Variants in CDC25C observed in about 807,000 individuals in gnomAD.
The protein encoded by CDC25C is M-phase inducer phosphatase 3.
CDC25C carries 48 observed loss-of-function variants against 52.5 expected under a neutral mutation model. The ratio of observed to expected loss-of-function variants is 0.91; its 90% CI spans 0.72 to 1.16. The LOEUF (loss-of-function observed/expected upper bound fraction) is 1.16. CDC25C is among the 50% of genes most tolerant of loss of function. The pLI is 0.00. For synonymous variants in CDC25C, 187 were observed against 206.5 expected (o/e 0.91, Z 0.81); for missense variants, 510 against 566.1 (o/e 0.90, Z 1.01).
chr5:138,311,440 A>AACGAT (rs1758445856), intron 7 of CDC25C, among the ~76,000 whole-genome samples: 1 of 152,144 alleles, frequency 6.6e-6, no homozygotes, highest in African/African-American at 2.4e-5. Context: ...CTCTACAAAA[A>AACGAT]ATAAATTAGC....
At chr5:138,324,189 T>C (rs1365985989) in intron 6 of CDC25C, among the ~76,000 whole-genome samples, 2 of 151,906 alleles carry the variant, frequency 1.3e-5, no homozygotes, top group Non-Finnish European at 2.9e-5. Context: ...GAGAATTGCT[T>C]GAACCAGGGA....
At position 138,329,602 on chromosome 5, in the gene CDC25C, C is replaced by A. The variant is rs1354035621; in HGVS notation, c.240G>T (p.Gly80=). Residue 80 remains glycine (G), a synonymous_variant, in exon 3 of 14, where the codon GGG becomes GGT. Transcript: ENST00000323760. ...RCLDLSNLSS[G]EITATQLTTS... is the part of the protein sequence containing the mutation. The stretch of plus-strand genomic sequence containing the variant: ...TGGTAAGCTGAGTGGCAGTTATCTC[C>A]CCACTGCTAAGATTCGAAAGATCGA... 14 of 1,613,708 alleles carry A rather than the reference C, an allele frequency of 8.7e-6. No homozygotes were observed. In the Admixed American group the frequency reaches 2.3e-4, roughly 27 times the overall value.
chr5:138,328,753 C>G (rs899005640), intron 3 of CDC25C: 17 of 449,156 alleles, frequency 3.8e-5, no homozygotes, highest in African/African-American at 3.2e-4. Flanking sequence ...TTGGGAAACA[C>G]TACACTATGC....
At chr5:138,301,665 T>C (rs1757633522) in intron 7 of CDC25C, among the ~76,000 whole-genome samples, 1 of 147,830 alleles carries the variant, frequency 6.8e-6, no homozygotes, top group Non-Finnish European at 1.5e-5. Flanking sequence ...TGAAGATCAA[T>C]ATCTCTCATG....
intron 7 of CDC25C, among the ~76,000 whole-genome samples, chr5:138,299,798 TAAGAG>T (rs1383966802): frequency 6.6e-6 from 1 of 151,060 alleles, no homozygotes; most frequent in Non-Finnish European, 1.5e-5. Context: ...GAGCAGAACT[TAAGAG>T]AATAGAAAAA....
At chr5:138,331,852 A>T, upstream of CDC25C, 1 of 985,654 alleles carries the variant, frequency 1.0e-6, no homozygotes, top group South Asian at 4.7e-5. Context: ...CCAGCCCAGT[A>T]ACCTATCCCC....
chr5:138,321,240 G>C (rs1759359661), intron 6 of CDC25C, among the ~76,000 whole-genome samples: 1 of 152,110 alleles, frequency 6.6e-6, no homozygotes, highest in South Asian at 2.1e-4. Flanking sequence ...TACAGCTTCT[G>C]TTTTGAATAA....
At chr5:138,327,711 C>G (rs751748043) in intron 4 of CDC25C, among the ~76,000 whole-genome samples, 1 of 152,038 alleles carries the variant, frequency 6.6e-6, no homozygotes, top group African/African-American at 2.4e-5. Flanking sequence ...CTTACAATAG[C>G]TACTTTATGA....
Position 138,326,014 on chromosome 5 carries a change from T to A in CDC25C, c.369+7A>T, listed in dbSNP as rs1759825414. On this transcript the variant is annotated splice_region_variant and intron_variant, in intron 5 of 13. Coordinates refer to ENST00000323760, the MANE Select transcript of CDC25C (RefSeq NM_001790.5). The stretch of plus-strand genomic sequence containing the variant: ...AAACAAAACCCAAAAAAAGAGAGGC[T>A]ACTCACTGGGCTACATTTCATTAGG... The A allele has an allele frequency of 6.2e-7, 1 of 1,614,188 alleles. No homozygotes were observed. Among genetic ancestry groups the A allele is most frequent in the Non-Finnish European group, 8.5e-7 (1 of 1,180,008 alleles).
chr5:138,316,291 A>G lies in CDC25C; in HGVS notation c.615+2928T>C, dbSNP rs903810167. On this transcript the variant is annotated intron_variant, in intron 7 of 13. Coordinates refer to ENST00000323760, the MANE Select transcript of CDC25C (RefSeq NM_001790.5). The stretch of plus-strand genomic sequence containing the variant: ...TTGGGGCAAGTCCAGGTGCTGTTAC[A>G]GTCCGGGGGCGGATCTGTGTGTGCA... 2.0e-5 allele frequency among the ~76,000 whole-genome samples: 3 copies of G among 152,210 alleles called. 1 individual carries two copies. Among genetic ancestry groups the G allele is most frequent in the African/African-American group, 7.2e-5 (3 of 41,448 alleles).
chr5:138,338,081 G>C, exon 1 of CDC25C: 2 of 1,289,788 alleles, frequency 1.6e-6, no homozygotes, highest in Non-Finnish European at 2.0e-6. Context: ...CTAAATCAAA[G>C]CGCCAGGCTC....
chr5:138,308,238 A>G (rs1489236635), intron 7 of CDC25C, among the ~76,000 whole-genome samples: 1 of 152,158 alleles, frequency 6.6e-6, no homozygotes, highest in East Asian at 1.9e-4. Flanking sequence ...TACTGTCTAT[A>G]TTATGCAATT....
chr5:138,290,016 A>G (rs1212082292), intron 9 of CDC25C, among the ~76,000 whole-genome samples: 4 of 152,138 alleles, frequency 2.6e-5, no homozygotes, highest in Non-Finnish European at 5.9e-5. Flanking sequence ...GAAGTGAGCT[A>G]TGATCATGCC....
chr5:138,328,580 T>C, intron 3 of CDC25C, 51 bp from the exon 4 acceptor site: 1 of 1,445,684 alleles, frequency 6.9e-7, no homozygotes. Context: ...TGTCCATGCA[T>C]CCTGTTTTTC....
intron 6 of CDC25C, among the ~76,000 whole-genome samples, chr5:138,321,602 A>G (rs1401370128): frequency 2.0e-5 from 3 of 151,868 alleles, no homozygotes; most frequent in Non-Finnish European, 1.5e-5. Context: ...AATACAAAAA[A>G]TTAGCTGGGT....
exon 1 of CDC25C, chr5:138,338,052 G>A: frequency 7.8e-7 from 1 of 1,289,718 alleles, no homozygotes; most frequent in Non-Finnish European, 1.0e-6. Context: ...ACTCGTTAGT[G>A]AGGAAACCAC....
upstream of CDC25C, chr5:138,338,336 G>A (rs1455071454): frequency 2.2e-6 from 1 of 453,882 alleles, no homozygotes; most frequent in Non-Finnish European, 4.2e-6. Context: ...GTGGCGCTGG[G>A]GCCTCGGGGC....
intron 7 of CDC25C, among the ~76,000 whole-genome samples, chr5:138,318,712 C>T (rs1759100452): frequency 6.6e-6 from 1 of 151,864 alleles, no homozygotes; most frequent in African/African-American, 2.4e-5. Context: ...GAGAATCTGT[C>T]TTAAAAAAAA....
At chr5:138,321,520 G>A (rs536643576) in intron 6 of CDC25C, among the ~76,000 whole-genome samples, 5 of 152,040 alleles carry the variant, frequency 3.3e-5, no homozygotes, top group East Asian at 1.9e-4. Context: ...TTGGGAGGCC[G>A]AGGCAGGTGG....
Sources: allele counts gnomAD v4.1 joint callset (sites outside exome capture counted in the v4.1 genomes callset), GRCh38; gene constraint gnomAD v4.1.1; transcripts MANE v1.5; gene names NCBI Gene and HGNC (gene_info 2026-07-23, HGNC 2026-07-21).